USH2A: variants seen among roughly 807,000 people sequenced by gnomAD.
The protein encoded by USH2A is Usher syndrome 2A (autosomal recessive, mild).
In USH2A, 443 loss-of-function variants were observed where a neutral mutation model predicts 538.9. The observed-to-expected ratio is 0.82, with a 90% confidence interval of 0.76 to 0.89. The LOEUF (loss-of-function observed/expected upper bound fraction) is 0.89. USH2A is among the 40% of genes least tolerant of loss of function. The pLI is 0.00. For missense variants in USH2A, 6,633 were observed against 6,324.8 expected (o/e 1.05, Z -1.65); for synonymous variants, 2,413 against 2,273.5 (o/e 1.06, Z -1.75).
At chr1:215,877,476 GTT>G (rs1027331497) in intron 43 of USH2A, among the ~76,000 whole-genome samples, 9 of 152,162 alleles carry the variant, frequency 5.9e-5, no homozygotes, top group Non-Finnish European at 1.2e-4. Flanking sequence ...CTTCCATAAC[GTT>G]TTATGTCTAG....
intron 43 of USH2A, among the ~76,000 whole-genome samples, chr1:215,875,937 ATAAT>A (rs1440627556): frequency 6.8e-6 from 1 of 146,306 alleles, no homozygotes; most frequent in Non-Finnish European, 1.5e-5. Flanking sequence ...ATTATTATAT[ATAAT>A]TAATAATGTA....
At chr1:216,189,270 GA>G (rs1055263028) in intron 20 of USH2A, among the ~76,000 whole-genome samples, 5 of 151,184 alleles carry the variant, frequency 3.3e-5, no homozygotes, top group African/African-American at 4.9e-5. Context: ...TCCAGAACCA[GA>G]AAAAAAACCC....
intron 9 of USH2A, among the ~76,000 whole-genome samples, chr1:216,300,032 T>C (rs1371672214): frequency 6.6e-6 from 1 of 152,208 alleles, no homozygotes; most frequent in Non-Finnish European, 1.5e-5. Flanking sequence ...TCTTTGATTA[T>C]AAAGTTTCAT....
At chr1:216,087,535 T>C (rs1384200007) in intron 23 of USH2A, among the ~76,000 whole-genome samples, 3 of 152,080 alleles carry the variant, frequency 2.0e-5, no homozygotes, top group African/African-American at 4.8e-5. Context: ...CAGTAAACTC[T>C]GTCAAAGGCC....
intron 35 of USH2A, among the ~76,000 whole-genome samples, chr1:215,972,127 C>T (rs764289291): frequency 6.6e-6 from 1 of 152,176 alleles, no homozygotes; most frequent in Non-Finnish European, 1.5e-5. Flanking sequence ...CTACAAACTA[C>T]ATTTCCAACT....
intron 3 of USH2A, among the ~76,000 whole-genome samples, chr1:216,412,138 A>C (rs997835557): frequency 6.6e-6 from 1 of 152,146 alleles, no homozygotes; most frequent in African/African-American, 2.4e-5. Context: ...TGTAAGCTAA[A>C]TAGGCCAAGT....
chr1:216,151,474 T>C (rs542924171), intron 21 of USH2A, among the ~76,000 whole-genome samples: 11 of 152,242 alleles, frequency 7.2e-5, no homozygotes, highest in Non-Finnish European at 1.2e-4. Context: ...ACTAATTCCC[T>C]TGATGGTCGG....
At chr1:215,770,691 TTAATA>T (rs1351340469) in intron 55 of USH2A, among the ~76,000 whole-genome samples, 1 of 152,098 alleles carries the variant, frequency 6.6e-6, no homozygotes, top group Non-Finnish European at 1.5e-5. Flanking sequence ...TTCATGGGTG[TTAATA>T]TAATTAACGC....
At chr1:215,952,179 T>C (rs1400027766) in intron 37 of USH2A, among the ~76,000 whole-genome samples, 3 of 152,218 alleles carry the variant, frequency 2.0e-5, no homozygotes, top group Non-Finnish European at 4.4e-5. Context: ...TAAAGTCTGT[T>C]TTATCAGAGA....
At chr1:216,400,334 G>C (rs2039285231) in intron 3 of USH2A, among the ~76,000 whole-genome samples, 1 of 151,126 alleles carries the variant, frequency 6.6e-6, no homozygotes, top group South Asian at 2.1e-4. Flanking sequence ...AAGATGACAG[G>C]ATTCCTGAAC....
At chr1:215,668,592 AG>A (rs1355097889) in intron 64 of USH2A, among the ~76,000 whole-genome samples, 1 of 152,238 alleles carries the variant, frequency 6.6e-6, no homozygotes, top group Non-Finnish European at 1.5e-5. Context: ...CGATAGTAAC[AG>A]TTACAAAAGA....
chr1:215,908,101 G>T lies in USH2A; in HGVS notation c.7301-7196C>A, dbSNP rs1037660093. 4.6e-5 allele frequency among the ~76,000 whole-genome samples: 7 copies of T among 151,264 alleles called. 1 individual carries two copies. Among genetic ancestry groups the T allele is most frequent in the African/African-American group, 1.7e-4 (7 of 41,168 alleles). ...CATTTTATCATTCGTTTCTCTCAAT[G>T]TTCTTATTTCACAGATATAAAAACT... On this transcript the variant is annotated intron_variant, in intron 38 of 71. Coordinates refer to ENST00000307340, the MANE Select transcript of USH2A (RefSeq NM_206933.4).
intron 61 of USH2A, among the ~76,000 whole-genome samples, chr1:215,705,960 G>T (rs575039501): frequency 6.6e-6 from 1 of 152,246 alleles, no homozygotes; most frequent in African/African-American, 2.4e-5. Context: ...GTATCTCAAA[G>T]GATGATAACA....
intron 58 of USH2A, among the ~76,000 whole-genome samples, chr1:215,754,977 G>A (rs1012716140): frequency 1.3e-5 from 2 of 152,036 alleles, no homozygotes; most frequent in Non-Finnish European, 2.9e-5. Flanking sequence ...TCCCTTCAGC[G>A]GCTTGCCATT....
At chr1:216,387,749 G>C (rs2039031088) in intron 3 of USH2A, among the ~76,000 whole-genome samples, 1 of 152,090 alleles carries the variant, frequency 6.6e-6, no homozygotes, top group African/African-American at 2.4e-5. Flanking sequence ...ATGTGTCACA[G>C]GGTTTTTAAT....
chr1:215,899,020 G>T (rs1394573635), intron 40 of USH2A, among the ~76,000 whole-genome samples: 1 of 152,096 alleles, frequency 6.6e-6, no homozygotes, highest in Non-Finnish European at 1.5e-5. Context: ...ATACATTATT[G>T]CTCATAAAGG....
intron 4 of USH2A, among the ~76,000 whole-genome samples, chr1:216,358,309 T>C (rs1303791099): frequency 6.6e-6 from 1 of 152,154 alleles, no homozygotes; most frequent in Non-Finnish European, 1.5e-5. Context: ...CTTCATTTGA[T>C]GTGCTTGTGT....
intron 62 of USH2A, among the ~76,000 whole-genome samples, chr1:215,678,621 C>G (rs142285831): frequency 6.6e-6 from 1 of 152,114 alleles, no homozygotes; most frequent in African/African-American, 2.4e-5. Flanking sequence ...ATTCATCGCT[C>G]TCAGTAATTC....
At chr1:215,904,797 A>G (rs978788913) in intron 38 of USH2A, among the ~76,000 whole-genome samples, 1 of 152,130 alleles carries the variant, frequency 6.6e-6, no homozygotes, top group African/African-American at 2.4e-5. Context: ...ACTCAAAGGA[A>G]GTGGGTTTTT....
Sources: allele counts gnomAD v4.1 joint callset (sites outside exome capture counted in the v4.1 genomes callset), GRCh38; gene constraint gnomAD v4.1.1; transcripts MANE v1.5; gene names NCBI Gene and HGNC (gene_info 2026-07-23, HGNC 2026-07-21).